Variants in SRBD1 observed in about 807,000 individuals in gnomAD.
SRBD1 encodes S1 RNA-binding domain-containing protein 1.
A neutral mutation model predicts 115.3 loss-of-function variants in SRBD1; 88 were observed. The observed-to-expected ratio is 0.76, with a 90% CI of 0.64 to 0.91. SRBD1 has a LOEUF of 0.91. SRBD1 is among the 40% of genes least tolerant of loss of function. The pLI is 0.00. For missense variants in SRBD1, 1,385 were observed against 1,177.4 expected, an observed-to-expected ratio of 1.18 and a Z score of -2.58; for synonymous variants, 509 against 407.7, an observed-to-expected ratio of 1.25 and a Z score of -2.99.
rs1553384123 is a variant in SRBD1 at position 45,414,718 on chromosome 2, ATACACACACACAGTGTGTATATAGTATG to A, written c.2334-1453_2334-1426del. On this transcript the variant is annotated intron_variant, in intron 18 of 20. Coordinates refer to ENST00000263736, the MANE Select transcript of SRBD1 (RefSeq NM_018079.5). ...CACATAGTGTGTATATAGTATGTAT[ATACACACACACAGTGTGTATATAGTATG>A]TACACACACACAGTGTGTATATAGT... 2.5e-3 allele frequency among the ~76,000 whole-genome samples: 261 copies of A among 105,842 alleles called. 10 individuals carry two copies. The East Asian group carries it at 0.036, about 15-fold the overall frequency. The allele number at this position is 105,842 out of a possible 152,430, so 69.4% of individuals were successfully genotyped here.
At chr2:45,576,478 C>T (rs1376610358) in intron 7 of SRBD1, among the ~76,000 whole-genome samples, 2 of 151,988 alleles carry the variant, frequency 1.3e-5, no homozygotes, top group Non-Finnish European at 2.9e-5. Context: ...ATGCAACGGT[C>T]AATTACATTT....
chr2:45,559,015 T>C (rs1278934822), intron 10 of SRBD1, among the ~76,000 whole-genome samples: 8 of 152,132 alleles, frequency 5.3e-5, no homozygotes, highest in Middle Eastern at 3.2e-3. Context: ...ACAAATTTCA[T>C]GCTTCACTTC....
chr2:45,537,795 G>C (rs777298395), intron 14 of SRBD1, among the ~76,000 whole-genome samples: 3 of 152,178 alleles, frequency 2.0e-5, no homozygotes, highest in African/African-American at 4.8e-5. Flanking sequence ...CTTCACATAT[G>C]CTCCCAGAGT....
chr2:45,566,722 T>A (rs1423605110), intron 9 of SRBD1, among the ~76,000 whole-genome samples: 2 of 152,222 alleles, frequency 1.3e-5, no homozygotes, highest in African/African-American at 2.4e-5. Flanking sequence ...CTTAAAGCAC[T>A]CTTTAATACC....
intron 16 of SRBD1, among the ~76,000 whole-genome samples, chr2:45,450,307 T>C (rs548780030): frequency 9.9e-5 from 15 of 152,162 alleles, no homozygotes; most frequent in Non-Finnish European, 2.2e-4. Flanking sequence ...TCATGAACTT[T>C]GTGATTTGTG....
chr2:45,435,283 T>C (rs1254162361), intron 16 of SRBD1, among the ~76,000 whole-genome samples: 1 of 151,900 alleles, frequency 6.6e-6, no homozygotes, highest in Non-Finnish European at 1.5e-5. Context: ...GGAAACTACA[T>C]AGAATAAGCC....
chr2:45,490,674 G>C (rs893239761), intron 14 of SRBD1, among the ~76,000 whole-genome samples: 2 of 152,078 alleles, frequency 1.3e-5, no homozygotes, highest in Admixed American at 1.3e-4. Context: ...AACTGTGGTT[G>C]TTAGCAACTG....
chr2:45,589,279 A>T (rs1336813295), intron 4 of SRBD1, among the ~76,000 whole-genome samples: 2 of 152,210 alleles, frequency 1.3e-5, no homozygotes, highest in Non-Finnish European at 2.9e-5. Context: ...CTGCTCATGA[A>T]GAAGTTAGCA....
At chr2:45,486,421 G>T (rs1006233573) in intron 15 of SRBD1, among the ~76,000 whole-genome samples, 1 of 152,040 alleles carries the variant, frequency 6.6e-6, no homozygotes, top group African/African-American at 2.4e-5. Flanking sequence ...TTAAGCCTCA[G>T]TTTCCTATTT....
rs1196223771 is a variant in SRBD1 at position 45,389,315 on chromosome 2, A to G, written c.2983T>C (p.Leu995=). The change falls in exon 21 of 21, where the codon TTA becomes CTA. Residue 995 remains leucine, a synonymous_variant. Transcript: ENST00000263736. ...GTCTGGCCTTCGTGGGATACTCATA[A>G]CACCCGAATGAGGTCCAGAGTAATC... ...SRITLDLIRV[L] The G allele has an allele frequency of 5.0e-6, 8 of 1,613,022 alleles. No individual in the cohort carries two copies. Among genetic ancestry groups the G allele is most frequent in the Admixed American group, 1.7e-5 (1 of 59,920 alleles).
At chr2:45,554,925 T>C (rs1000193705) in intron 10 of SRBD1, among the ~76,000 whole-genome samples, 2 of 151,938 alleles carry the variant, frequency 1.3e-5, no homozygotes, top group Admixed American at 1.3e-4. Flanking sequence ...CTCTTTCAGG[T>C]CCTGTGTACC....
intron 16 of SRBD1, among the ~76,000 whole-genome samples, chr2:45,422,965 T>C (rs934236972): frequency 5.9e-5 from 9 of 152,286 alleles, no homozygotes; most frequent in Non-Finnish European, 1.0e-4. Flanking sequence ...TTTGGAAGTG[T>C]TGATAGTGAC....
At chr2:45,422,228 G>A (rs1668027908) in intron 16 of SRBD1, among the ~76,000 whole-genome samples, 1 of 152,210 alleles carries the variant, frequency 6.6e-6, no homozygotes, top group Non-Finnish European at 1.5e-5. Context: ...AGCTAAATGA[G>A]TAAGCGACAG....
chr2:45,426,490 T>C (rs149751437), intron 16 of SRBD1, among the ~76,000 whole-genome samples: 4 of 152,284 alleles, frequency 2.6e-5, no homozygotes, highest in African/African-American at 7.2e-5. Context: ...AGCACAGCAC[T>C]AGAGCTCTGC....
intron 19 of SRBD1, among the ~76,000 whole-genome samples, chr2:45,402,164 C>T (rs901447788): frequency 6.6e-6 from 1 of 152,136 alleles, no homozygotes; most frequent in African/African-American, 2.4e-5. Context: ...TAGCTCAGGG[C>T]ACCAGTTAGG....
At chr2:45,608,574 A>G (rs1674345507) in intron 1 of SRBD1, among the ~76,000 whole-genome samples, 1 of 152,158 alleles carries the variant, frequency 6.6e-6, no homozygotes, top group South Asian at 2.1e-4. Context: ...CCACGGTTTT[A>G]CATACCGATG....
At chr2:45,580,040 G>T in intron 6 of SRBD1, 27 bp from the exon 7 acceptor site, 3 of 1,450,102 alleles carry the variant, frequency 2.1e-6, no homozygotes, top group South Asian at 3.0e-5. Flanking sequence ...GAAAACATAT[G>T]ATTATGTTTT....
intron 18 of SRBD1, among the ~76,000 whole-genome samples, chr2:45,414,689 C>T (rs1434163859): frequency 6.8e-6 from 1 of 147,148 alleles, no homozygotes; most frequent in Non-Finnish European, 1.5e-5. Flanking sequence ...TGTATATACA[C>T]ACACACATAG....
chr2:45,436,853 T>C (rs954877535), intron 16 of SRBD1, among the ~76,000 whole-genome samples: 1 of 152,156 alleles, frequency 6.6e-6, no homozygotes, highest in Non-Finnish European at 1.5e-5. Flanking sequence ...GATAATATGA[T>C]CGTCTATGTA....
Sources: gnomAD v4.1 joint callset for allele counts (sites outside exome capture counted in the v4.1 genomes callset) on GRCh38, gnomAD v4.1.1 for gene constraint, MANE v1.5 for transcripts, NCBI Gene and HGNC (gene_info 2026-07-23, HGNC 2026-07-21) for gene names.